The following SETD1B variants were observed in gnomAD, a reference collection of about 807,000 sequenced individuals.
SETD1B encodes the protein SET domain containing 1B, histone lysine methyltransferase, also known as histone-lysine N-methyltransferase SETD1B.
A neutral mutation model predicts 148.0 loss-of-function variants in SETD1B; 7 were observed. The observed-to-expected ratio is 0.05, with a 90% CI of 0.03 to 0.09. The LOEUF is 0.09. Ranked by LOEUF, SETD1B falls within the 10% of genes least tolerant of loss-of-function variation. The probability of loss-of-function intolerance (pLI) is 1.00; values close to 1 mark genes in which losing one functional copy is unlikely to be tolerated. For synonymous variants in SETD1B, 1,361 were observed against 1,186.5 expected, an observed-to-expected ratio of 1.15 and a Z score of -3.02; for missense variants, 2,155 against 2,729.9, an observed-to-expected ratio of 0.79 and a Z score of 4.69.
intron 7 of SETD1B, 48 bp from the exon 8 acceptor site, chr12:121,816,985 G>A: frequency 6.9e-7 from 1 of 1,455,468 alleles, no homozygotes; most frequent in Non-Finnish European, 9.1e-7. Flanking sequence ...CCCTGCAAGG[G>A]TTGGTGGTGC....
chr12:121,826,390 G>A (rs1876842765), intron 13 of SETD1B, among the ~76,000 whole-genome samples: 1 of 152,210 alleles, frequency 6.6e-6, no homozygotes, highest in Non-Finnish European at 1.5e-5. Context: ...GTGGATGCCA[G>A]AGAGACTACA....
chr12:121,832,163 A>G lies in SETD1B; in HGVS notation c.*1924A>G, dbSNP rs965811752. On this transcript the variant is annotated 3_prime_UTR_variant, in exon 17 of 17. Coordinates refer to ENST00000604567, the MANE Select transcript of SETD1B (RefSeq NM_001353345.2). ...GCTGTCTCCATTCTGTCCCCTTCCC[A>G]TAAAAGAAGTGGGGGTGTTCGAGAA... The G allele has an allele frequency of 8.5e-5, 13 of 152,126 alleles. No individual in the cohort carries two copies. Among genetic ancestry groups the G allele is most frequent in the African/African-American group, 3.1e-4 (13 of 41,402 alleles). 9.4% of individuals were successfully genotyped at this position (152,126 alleles called of 1,614,324 possible). A position where few individuals can be genotyped will look rare whatever the true frequency, so the allele number is the denominator to read the frequency against.
rs11612116 is a variant in SETD1B, at chr12:121,819,261, C to T, written c.3419-143C>T. 8.5e-6 allele frequency: 12 copies of T among 1,418,460 alleles called. No homozygotes were observed. The African/African-American group carries it at 1.5e-4, about 17-fold the overall frequency. 87.9% of individuals were successfully genotyped at this position (1,418,460 alleles called of 1,614,324 possible). A position where few individuals can be genotyped will look rare whatever the true frequency, so the allele number is the denominator to read the frequency against. On this transcript the variant is annotated intron_variant, in intron 10 of 16. Transcript: ENST00000604567. ...CTCAAAAAAAAGAAAAAAAAGACTC[C>T]TAGTGAACACATGCCCCACACACAT... is the stretch of plus-strand genomic sequence containing the variant.
rs1875611386 is a variant in SETD1B at position 121,804,511 on chromosome 12, C to T, written c.-14-213C>T. ...GGAGCCCCTCGCTGCCGCCCCGAGA[C>T]GGTGGCCGAGCGGGCGGGCGCGTAA... On this transcript the variant is annotated intron_variant, in intron 1 of 16. Transcript: ENST00000604567. The surrounding 1 kb of genome is among the most constrained non-coding windows in gnomAD (Gnocchi z 4.6). 6.6e-6 allele frequency among the ~76,000 whole-genome samples: 1 copy of T among 150,512 alleles called. No homozygotes were observed. Among genetic ancestry groups the T allele is most frequent in the Admixed American group, 6.6e-5 (1 of 15,156 alleles).
chr12:121,830,048 C>G lies in SETD1B; in HGVS notation c.5728-18C>G, dbSNP rs1317024313. The G allele has an allele frequency of 1.3e-6, 2 of 1,544,706 alleles. No homozygotes were observed. The highest frequency in any genetic ancestry group is 2.5e-5 in the East Asian group (1 of 40,758). On this transcript the variant is annotated intron_variant, in intron 16 of 16. Coordinates refer to ENST00000604567, the MANE Select transcript of SETD1B (RefSeq NM_001353345.2). The surrounding 1 kb of genome is among the most constrained non-coding windows in gnomAD (Gnocchi z 5.7). ...CTGGGGGACCAGGGGCTCATTCTCCCCCCCACCTTGCCTGCAGCCCAACTG... is the reference window on the plus strand; with the variant it reads ...CTGGGGGACCAGGGGCTCATTCTCCGCCCCACCTTGCCTGCAGCCCAACTG...
chr12:121,813,368 G>A (rs1344561208), intron 6 of SETD1B, among the ~76,000 whole-genome samples: 1 of 152,166 alleles, frequency 6.6e-6, no homozygotes, highest in Non-Finnish European at 1.5e-5. Flanking sequence ...CTAAACCCCC[G>A]CTCCAATGTC....
At chr12:121,821,229 A>G (rs1316550699) in intron 11 of SETD1B, among the ~76,000 whole-genome samples, 1 of 152,186 alleles carries the variant, frequency 6.6e-6, no homozygotes, top group African/African-American at 2.4e-5. Context: ...AGTGGACCAA[A>G]CAGACAAAAA....
chr12:121,797,375 G>T, the SETD1B span: 1 of 443,960 alleles, frequency 2.3e-6, no homozygotes, highest in Non-Finnish European at 4.6e-6. Flanking sequence ...CCCCGCGTTC[G>T]CTGGGTGACC....
In SETD1B at chr12:121,823,066, C is replaced by T. The variant is rs1386664366; in HGVS notation, c.4487C>T (p.Ala1496Val). ...GCCGTCTTGCGGGCCCAGGCTCGTG[C>T]GCCCACCCCGCTGCCACCCCTGCTG... The part of the protein sequence containing the change: ...LPAVLRAQAR[A>V]PTPLPPLLPA... Residue 1496 changes from alanine to valine, a missense_variant, in exon 12 of 17, where the codon GCG (alanine) becomes GTG (valine). Transcript: ENST00000604567. 16 of 1,509,914 alleles carry T rather than the reference C, an allele frequency of 1.1e-5. No individual in the cohort carries two copies. The highest frequency in any genetic ancestry group is 4.1e-5 in the Admixed American group (2 of 49,270). The allele number at this position is 1,509,914 out of a possible 1,614,324, so 93.5% of individuals were successfully genotyped here.
At position 121,810,100 on chromosome 12, in the gene SETD1B, C is replaced by T; in HGVS notation, c.1155C>T (p.Ala385=). Residue 385 remains alanine, a synonymous_variant, in exon 6 of 17, where the codon GCC becomes GCT. Transcript: ENST00000604567. The surrounding 1 kb of genome is among the most constrained non-coding windows in gnomAD (Gnocchi z 7.6). The part of the protein sequence containing the change: ...SATFAHTPPP[A]QATPAPGFKS... Reference sequence around the variant, plus strand: ...CATTTGCCCACACTCCACCACCCGCCCAAGCAACCCCTGCTCCTGGATTCA... The same window carrying T: ...CATTTGCCCACACTCCACCACCCGCTCAAGCAACCCCTGCTCCTGGATTCA... 6.5e-7 allele frequency: 1 copy of T among 1,550,210 alleles called. No individual in the cohort carries two copies. Among genetic ancestry groups the T allele is most frequent in the Non-Finnish European group, 8.7e-7 (1 of 1,146,940 alleles).
intron 13 of SETD1B, among the ~76,000 whole-genome samples, 178 bp from the exon 14 acceptor site, chr12:121,827,341 G>T (rs1006200422): frequency 6.6e-6 from 1 of 152,144 alleles, no homozygotes; most frequent in Non-Finnish European, 1.5e-5. Flanking sequence ...AGCTTGAGAC[G>T]CTCAGATACT....
At position 121,810,075 on chromosome 12, in the gene SETD1B, C is replaced by T. The variant is rs535968592; in HGVS notation, c.1130C>T (p.Thr377Ile). The change falls in exon 6 of 17, where the codon ACA becomes ATA. Residue 377 changes from threonine (T) to isoleucine (I), a missense_variant. Physicochemically the swap from Thr to Ile is moderately conservative, Grantham distance 89. Around this residue, in one of 11 missense-constraint regions of SETD1B, gnomAD observed 376 missense variants for 385.0 expected, o/e 0.98. Coordinates refer to ENST00000604567, the MANE Select transcript of SETD1B (RefSeq NM_001353345.2). This position sits in a 1 kb window ranked among gnomAD's most constrained non-coding sequence, Gnocchi z 7.6. ...AAGGCTCAACCACAGGATTCAGCCA[C>T]ATTTGCCCACACTCCACCACCCGCC... The part of the protein sequence containing the change: ...PFKAQPQDSA[T>I]FAHTPPPAQA... 1.9e-6 allele frequency: 3 copies of T among 1,550,280 alleles called. No homozygotes were observed. The highest frequency in any genetic ancestry group is 1.4e-5 in the African/African-American group (1 of 73,138).
chr12:121,803,846 C>G (rs1278639231), upstream of SETD1B: 1 of 152,482 alleles, frequency 6.6e-6, no homozygotes, highest in South Asian at 1.8e-4. This position sits in a 1 kb window ranked among gnomAD's most constrained non-coding sequence, Gnocchi z 4.7. Context: ...TGGGAGCGCG[C>G]GAGTGAGGGG....
intron 4 of SETD1B, among the ~76,000 whole-genome samples, chr12:121,807,170 G>C (rs1247953815): frequency 1.3e-5 from 2 of 152,158 alleles, no homozygotes; most frequent in Admixed American, 6.5e-5. Context: ...AGCCGGTGCC[G>C]GGGGGTGGTG....
chr12:121,815,488 G>T lies in SETD1B; in HGVS notation c.2715+558G>T, dbSNP rs1566552323. Reference sequence around the variant, plus strand: ...CCCCTCATGCCGCCTTTTACACGGAGCCCTGTCTTGGACCACTTTTTTCCT... The same window carrying T: ...CCCCTCATGCCGCCTTTTACACGGATCCCTGTCTTGGACCACTTTTTTCCT... On this transcript the variant is annotated intron_variant, in intron 7 of 16. Transcript: ENST00000604567. 2.6e-5 allele frequency among the ~76,000 whole-genome samples: 4 copies of T among 151,682 alleles called. No individual in the cohort carries two copies. In the South Asian group the frequency reaches 6.2e-4, roughly 24 times the overall value.
chr12:121,806,922 C>T (rs1229855802), intron 4 of SETD1B, among the ~76,000 whole-genome samples: 1 of 152,154 alleles, frequency 6.6e-6, no homozygotes, highest in Non-Finnish European at 1.5e-5. Flanking sequence ...GAAGCTCCCA[C>T]CTATAAAAGA....
Position 121,805,703 on chromosome 12 carries a change from TTTA to T in SETD1B, c.274-131_274-129del. ...TTCCAAAAAAAATTTTTTTTTTTTTTTTAATTTTTAGTTTTTTTACCCTTTATT... is the reference window on the plus strand; with the variant it reads ...TTCCAAAAAAAATTTTTTTTTTTTTTATTTTTAGTTTTTTTACCCTTTATT... On this transcript the variant is annotated intron_variant, in intron 3 of 16. Transcript: ENST00000604567. This position sits in a 1 kb window ranked among gnomAD's most constrained non-coding sequence, Gnocchi z 4.2. The T allele has an allele frequency of 1.2e-6, 1 of 859,452 alleles. No individual in the cohort carries two copies. 53.2% of individuals were successfully genotyped at this position (859,452 alleles called of 1,614,324 possible).
Position 121,817,257 on chromosome 12 carries a change from G to C in SETD1B, c.2940G>C (p.Arg980=). The C allele has an allele frequency of 6.4e-7, 1 of 1,550,988 alleles. No homozygotes were observed. Among genetic ancestry groups the C allele is most frequent in the Non-Finnish European group, 8.7e-7 (1 of 1,146,952 alleles). The change falls in exon 8 of 17, where the codon CGG becomes CGC. Residue 980 remains arginine, a synonymous_variant. Coordinates refer to ENST00000604567, the MANE Select transcript of SETD1B (RefSeq NM_001353345.2). The surrounding 1 kb of genome is among the most constrained non-coding windows in gnomAD (Gnocchi z 8.1). ...PDTTSSGDQK[R]LRPSTSVDEE... is the part of the protein sequence containing the mutation. Reference sequence around the variant, plus strand: ...CCACCTCATCTGGCGACCAGAAGCGGCTGCGGCCCTCGACCTCTGTGGATG... The same window carrying C: ...CCACCTCATCTGGCGACCAGAAGCGCCTGCGGCCCTCGACCTCTGTGGATG...
At chr12:121,821,019 A>G (rs12313997) in intron 11 of SETD1B, among the ~76,000 whole-genome samples, 4,259 of 152,332 alleles carry the variant, frequency 0.028, 183 homozygotes, top group African/African-American at 0.093. Flanking sequence ...GCAGACTACA[A>G]GCTTTGAGTA....
Sources: allele counts gnomAD v4.1 joint callset (sites outside exome capture counted in the v4.1 genomes callset), GRCh38; gene constraint gnomAD v4.1.1; regional missense constraint gnomAD v4.1.1; non-coding constraint Gnocchi (gnomAD v3.1); transcripts MANE v1.5; gene names NCBI Gene and HGNC (gene_info 2026-07-23, HGNC 2026-07-21).